The following GPM6A variants were observed in gnomAD, a reference collection of about 807,000 sequenced individuals.
GPM6A encodes the protein neuronal membrane glycoprotein M6-a.
GPM6A carries 7 observed loss-of-function variants against 32.1 expected under a neutral mutation model. The ratio of observed to expected loss-of-function variants is 0.22; its 90% CI spans 0.12 to 0.41. GPM6A has a LOEUF of 0.41. Ranked by LOEUF, GPM6A falls within the 10% of genes least tolerant of loss-of-function variation. GPM6A has a pLI of 1.00. For synonymous variants in GPM6A, 130 were observed against 123.4 expected (o/e 1.05, Z -0.35); for missense variants, 235 against 347.2 (o/e 0.68, Z 2.57).
At chr4:175,653,744 C>T (rs1364983718) in intron 3 of GPM6A, among the ~76,000 whole-genome samples, 1 of 152,052 alleles carries the variant, frequency 6.6e-6, no homozygotes, top group Non-Finnish European at 1.5e-5. Flanking sequence ...AATAACACTT[C>T]CCCCTTATTT....
chr4:175,787,881 T>C (rs368897650), intron 1 of GPM6A: 1 of 152,936 alleles, frequency 6.5e-6, no homozygotes, highest in East Asian at 1.9e-4. Context: ...CACTGGGTGC[T>C]TGTTATATAT....
intron 1 of GPM6A, among the ~76,000 whole-genome samples, chr4:175,951,276 T>C (rs1245979458): frequency 6.6e-6 from 1 of 152,186 alleles, no homozygotes; most frequent in Non-Finnish European, 1.5e-5. Context: ...AAATACTACT[T>C]TTAGTAGGAA....
Position 175,730,390 on chromosome 4 carries a change from G to A in GPM6A, c.38-28623C>T, listed in dbSNP as rs1183702645. Among the ~76,000 whole-genome samples, 5 of 147,922 alleles carry A rather than the reference G, an allele frequency of 3.4e-5. No homozygotes were observed. In the South Asian group the frequency reaches 8.7e-4, roughly 26 times the overall value. On this transcript the variant is annotated intron_variant, in intron 1 of 6. Transcript: ENST00000393658. ...CCCGAGTAGCTGGGACTACAGGCAT[G>A]TGTCACCACGCCCAGCTAATTTTTG...
rs115011298 is a variant in GPM6A, at chr4:175,690,065, C to T, written c.230+11510G>A. 3.4e-3 allele frequency among the ~76,000 whole-genome samples: 523 copies of T among 152,258 alleles called. 5 individuals are homozygous for T. The highest frequency in any genetic ancestry group is 0.012 in the African/African-American group (508 of 41,544). ...TTGTGCTCACCTGGAGTACTGCAAACTCTTAAGGGGATTCTGGAAATCTCA... is the reference window on the plus strand; with the variant it reads ...TTGTGCTCACCTGGAGTACTGCAAATTCTTAAGGGGATTCTGGAAATCTCA... On this transcript the variant is annotated intron_variant, in intron 2 of 6. Transcript: ENST00000393658.
chr4:175,801,019 A>G (rs904190760), intron 1 of GPM6A: 2 of 174,764 alleles, frequency 1.1e-5, no homozygotes, highest in Admixed American at 1.1e-4. Flanking sequence ...TCTTAGCACT[A>G]TGTTTAACAA....
chr4:175,891,268 A>G (rs975734609), intron 1 of GPM6A, among the ~76,000 whole-genome samples: 1 of 152,204 alleles, frequency 6.6e-6, no homozygotes, highest in Non-Finnish European at 1.5e-5. Context: ...TCTTCTCTCT[A>G]CTGAATGTCA....
At chr4:175,737,995 T>C (rs1205393440) in intron 1 of GPM6A, among the ~76,000 whole-genome samples, 1 of 150,660 alleles carries the variant, frequency 6.6e-6, no homozygotes, top group Non-Finnish European at 1.5e-5. Flanking sequence ...TGGAGTGCAA[T>C]GGTGCAATCT....
intron 1 of GPM6A, among the ~76,000 whole-genome samples, chr4:175,864,581 T>A (rs1390528478): frequency 6.6e-6 from 1 of 152,222 alleles, no homozygotes; most frequent in African/African-American, 2.4e-5. Context: ...AAATATGTTT[T>A]CTATGGCCAA....
chr4:175,973,044 C>T (rs1459489249), intron 1 of GPM6A, among the ~76,000 whole-genome samples: 1 of 152,124 alleles, frequency 6.6e-6, no homozygotes, highest in African/African-American at 2.4e-5. Flanking sequence ...GTGTCCATAA[C>T]AGTGAACACC....
At chr4:175,928,321 C>A (rs1738914853) in intron 1 of GPM6A, among the ~76,000 whole-genome samples, 1 of 152,146 alleles carries the variant, frequency 6.6e-6, no homozygotes, top group Non-Finnish European at 1.5e-5. Flanking sequence ...GTTTTAAAGG[C>A]ATTAGTCTGG....
chr4:175,835,247 A>C (rs891196520), intron 1 of GPM6A, among the ~76,000 whole-genome samples: 1 of 152,200 alleles, frequency 6.6e-6, no homozygotes, highest in Non-Finnish European at 1.5e-5. Context: ...CTAAATGATT[A>C]GGAAACGTAA....
At chr4:175,818,170 C>G (rs1341156124) in intron 1 of GPM6A, among the ~76,000 whole-genome samples, 1 of 152,188 alleles carries the variant, frequency 6.6e-6, no homozygotes, top group Non-Finnish European at 1.5e-5. Context: ...CATGACCTGG[C>G]AGGAGCTCAC....
chr4:175,921,559 C>T (rs955997993), intron 1 of GPM6A, among the ~76,000 whole-genome samples: 4 of 152,030 alleles, frequency 2.6e-5, no homozygotes, highest in Non-Finnish European at 5.9e-5. Context: ...TAATCATAAC[C>T]TGCTAAATAA....
At chr4:175,994,525 T>C (rs891375574) in intron 1 of GPM6A, among the ~76,000 whole-genome samples, 4 of 151,938 alleles carry the variant, frequency 2.6e-5, no homozygotes, top group African/African-American at 9.7e-5. Context: ...GCATTATGTC[T>C]AAAAAAAACC....
intron 1 of GPM6A, among the ~76,000 whole-genome samples, chr4:175,919,210 T>A (rs930091007): frequency 6.6e-6 from 1 of 152,138 alleles, no homozygotes; most frequent in Non-Finnish European, 1.5e-5. Flanking sequence ...CCCCTTCTCA[T>A]GACTTTTCTG....
At chr4:175,756,151 G>A (rs1362011429) in intron 1 of GPM6A, among the ~76,000 whole-genome samples, 2 of 152,174 alleles carry the variant, frequency 1.3e-5, no homozygotes, top group South Asian at 2.1e-4. Context: ...TGTGGTGGTG[G>A]AGGGAGTGGT....
At chr4:175,927,206 C>T (rs553761982) in intron 1 of GPM6A, among the ~76,000 whole-genome samples, 20 of 152,310 alleles carry the variant, frequency 1.3e-4, no homozygotes, top group Non-Finnish European at 2.1e-4. Flanking sequence ...CCTATTAGGA[C>T]GGAAGGACAC....
intron 1 of GPM6A, among the ~76,000 whole-genome samples, chr4:175,921,200 C>A (rs1321495053): frequency 1.3e-5 from 2 of 152,060 alleles, no homozygotes; most frequent in Admixed American, 6.5e-5. Context: ...CTTTCAATAA[C>A]AAAAGATTCA....
At chr4:175,943,804 G>A (rs745495647) in intron 1 of GPM6A, among the ~76,000 whole-genome samples, 32 of 152,070 alleles carry the variant, frequency 2.1e-4, no homozygotes, top group African/African-American at 4.6e-4. Context: ...GAGGGTTTTC[G>A]CATCGATGTT....
Sources: gnomAD v4.1 joint callset for allele counts (sites outside exome capture counted in the v4.1 genomes callset) on GRCh38, gnomAD v4.1.1 for gene constraint, MANE v1.5 for transcripts, NCBI Gene and HGNC (gene_info 2026-07-23, HGNC 2026-07-21) for gene names.